Variants in LRRC49 observed in about 807,000 individuals in gnomAD.
The protein encoded by LRRC49 is leucine-rich repeat-containing protein 49.
A neutral mutation model predicts 83.3 loss-of-function variants in LRRC49; 50 were observed. That is an observed-to-expected ratio of 0.60 (90% CI 0.48 to 0.76). The LOEUF is 0.76. LRRC49 is among the 30% of genes least tolerant of loss of function. The pLI, the probability that LRRC49 is intolerant of heterozygous loss-of-function variation, is 0.00. For missense variants in LRRC49, 704 were observed against 809.1 expected, an observed-to-expected ratio of 0.87 and a Z score of 1.58; for synonymous variants, 286 against 283.3, an observed-to-expected ratio of 1.01 and a Z score of -0.10.
At chr15:71,007,000 TC>T (rs775928903) in intron 11 of LRRC49, among the ~76,000 whole-genome samples, 6 of 152,182 alleles carry the variant, frequency 3.9e-5, no homozygotes, top group Non-Finnish European at 7.4e-5. Flanking sequence ...GTACTACTAC[TC>T]ATTGGATATT....
chr15:70,909,955 A>G (rs563138770), intron 5 of LRRC49, among the ~76,000 whole-genome samples: 1 of 151,928 alleles, frequency 6.6e-6, no homozygotes, highest in African/African-American at 2.4e-5. Context: ...AGAGATTTAA[A>G]TTCTAGATAG....
rs2040016988 is a variant in LRRC49, at chr15:71,053,520, G to A, written c.*3908G>A. The A allele has an allele frequency of 6.6e-6, 1 of 152,380 alleles. No individual in the cohort carries two copies. The highest frequency in any genetic ancestry group is 2.4e-5 in the African/African-American group (1 of 41,564). The allele number at this position is 152,380 out of a possible 1,614,324, so 9.4% of individuals were successfully genotyped here. ...TTAAATATCCAAGTGCAGGTGTTAA[G>A]TAGGTGTGAATATGAGTTGGGAGTT... On this transcript the variant is annotated 3_prime_UTR_variant, in exon 16 of 16. Coordinates refer to ENST00000260382, the MANE Select transcript of LRRC49 (RefSeq NM_017691.5).
intron 8 of LRRC49, among the ~76,000 whole-genome samples, chr15:70,937,514 T>G (rs2035642866): frequency 6.6e-6 from 1 of 152,178 alleles, no homozygotes; most frequent in Non-Finnish European, 1.5e-5. Context: ...ATGCCCTCAG[T>G]TCTTTAGTTT....
chr15:70,860,230 G>A, intron 1 of LRRC49: 1 of 624,710 alleles, frequency 1.6e-6, no homozygotes, highest in South Asian at 1.9e-5. Context: ...GGAGGCCGCT[G>A]TGCATGGTAT....
intron 11 of LRRC49, among the ~76,000 whole-genome samples, chr15:71,006,027 T>C (rs925322058): frequency 1.3e-5 from 2 of 152,160 alleles, no homozygotes; most frequent in Non-Finnish European, 2.9e-5. Context: ...TTAGGTGTTA[T>C]ATGGCCTGTT....
intron 8 of LRRC49, among the ~76,000 whole-genome samples, chr15:70,943,318 G>A (rs1012682703): frequency 1.3e-5 from 2 of 152,094 alleles, no homozygotes; most frequent in Non-Finnish European, 2.9e-5. Context: ...ATTTGACTGA[G>A]GGGCATAAGG....
chr15:70,911,853 C>T (rs2034564585), intron 6 of LRRC49, among the ~76,000 whole-genome samples: 1 of 152,084 alleles, frequency 6.6e-6, no homozygotes, highest in Admixed American at 6.5e-5. Flanking sequence ...TTTTAAAGTA[C>T]ACATTTTGCA....
intron 2 of LRRC49, among the ~76,000 whole-genome samples, chr15:70,874,009 A>C (rs1280648233): frequency 6.6e-6 from 1 of 152,172 alleles, no homozygotes; most frequent in African/African-American, 2.4e-5. Context: ...TGACTGTAGA[A>C]ACTCTACATT....
intron 1 of LRRC49, chr15:70,854,248 G>A: frequency 3.7e-6 from 1 of 268,384 alleles, no homozygotes; most frequent in Non-Finnish European, 5.7e-6. Flanking sequence ...CGCCGCCGCC[G>A]CCGCCGCCGC....
chr15:70,922,900 G>A (rs1420776030), intron 7 of LRRC49, among the ~76,000 whole-genome samples: 1 of 151,548 alleles, frequency 6.6e-6, no homozygotes, highest in Non-Finnish European at 1.5e-5. Context: ...AAAATAATAG[G>A]AACTAATATT....
At chr15:70,945,593 A>G (rs1283879624) in intron 8 of LRRC49, among the ~76,000 whole-genome samples, 2 of 143,790 alleles carry the variant, frequency 1.4e-5, no homozygotes, top group East Asian at 2.1e-4. Flanking sequence ...AGGTTATTAG[A>G]CGGGTTGAAT....
In LRRC49 at chr15:71,030,759, A is replaced by G. The variant is rs560907348; in HGVS notation, c.1704-6420A>G. The stretch of plus-strand genomic sequence containing the variant: ...TAATCTTGTCTTCATGCCTTATTTC[A>G]GTAAGTTGATCTTCAATCTCTGATA... On this transcript the variant is annotated intron_variant, in intron 14 of 15. Coordinates refer to ENST00000260382, the MANE Select transcript of LRRC49 (RefSeq NM_017691.5). Among the ~76,000 whole-genome samples the G allele has an allele frequency of 1.4e-4, 21 of 151,822 alleles. No individual in the cohort carries two copies. In the South Asian group the frequency reaches 4.4e-3, roughly 32 times the overall value.
At chr15:70,880,445 T>C (rs1456355335) in intron 2 of LRRC49, among the ~76,000 whole-genome samples, 2 of 152,182 alleles carry the variant, frequency 1.3e-5, no homozygotes, top group Non-Finnish European at 2.9e-5. Flanking sequence ...TAAATACTTA[T>C]GAATAAATAA....
intron 8 of LRRC49, among the ~76,000 whole-genome samples, chr15:70,940,413 T>C (rs368516753): frequency 1.7e-4 from 26 of 152,228 alleles, no homozygotes; most frequent in African/African-American, 2.9e-4. Context: ...CCCGCCACCA[T>C]GCCCGGCTAA....
At chr15:70,906,577 A>G (rs2034324158) in intron 5 of LRRC49, among the ~76,000 whole-genome samples, 1 of 152,178 alleles carries the variant, frequency 6.6e-6, no homozygotes, top group East Asian at 1.9e-4. Flanking sequence ...TACCATTTTA[A>G]GTCATCTTTC....
chr15:70,946,566 C>T (rs115719222), intron 8 of LRRC49, among the ~76,000 whole-genome samples: 2,198 of 152,160 alleles, frequency 0.014, 53 homozygotes, highest in African/African-American at 0.05. Flanking sequence ...AGTACAGATA[C>T]GTTTTCAACA....
chr15:70,934,129 T>A (rs2035515290), intron 7 of LRRC49, among the ~76,000 whole-genome samples: 1 of 152,312 alleles, frequency 6.6e-6, no homozygotes, highest in East Asian at 1.9e-4. Context: ...TTGTACTCCC[T>A]GAATCTTATA....
upstream of LRRC49, chr15:70,892,308 T>C (rs184126693): frequency 4.0e-3 from 6,253 of 1,550,838 alleles, 21 homozygotes; most frequent in Non-Finnish European, 4.9e-3. Flanking sequence ...CCGGGTTCCC[T>C]GGACCTTCGC....
chr15:70,971,415 G>A (rs538915436), intron 9 of LRRC49, among the ~76,000 whole-genome samples: 38 of 152,132 alleles, frequency 2.5e-4, no homozygotes, highest in Non-Finnish European at 5.0e-4. Flanking sequence ...GAATAAGTAC[G>A]ATGTGGTGCT....
Sources: allele counts gnomAD v4.1 joint callset (sites outside exome capture counted in the v4.1 genomes callset), GRCh38; gene constraint gnomAD v4.1.1; transcripts MANE v1.5; gene names NCBI Gene and HGNC (gene_info 2026-07-23, HGNC 2026-07-21).